The following PAK3 variants were observed in gnomAD, a reference collection of about 807,000 sequenced individuals.
PAK3 encodes the protein serine/threonine-protein kinase PAK 3.
In PAK3, 4 loss-of-function variants were observed where a neutral mutation model predicts 41.0. That is an observed-to-expected ratio of 0.10 (90% CI 0.05 to 0.22). PAK3 has a LOEUF of 0.22. Among genes scored for constraint, PAK3 ranks in the 10% least tolerant of loss-of-function variants. PAK3 has a pLI of 1.00. For missense variants in PAK3, 205 were observed against 409.9 expected, an observed-to-expected ratio of 0.50 and a Z score of 4.32; for synonymous variants, 146 against 139.6, an observed-to-expected ratio of 1.05 and a Z score of -0.32.
chrX:111,211,805 C>T (rs1162566038), intron 16 of PAK3, among the ~76,000 whole-genome samples: 1 of 111,118 alleles, frequency 9.0e-6, no homozygotes, highest in Non-Finnish European at 1.9e-5. Flanking sequence ...GTTTGAAAAC[C>T]ACCTCTGTGG....
intron 8 of PAK3, among the ~76,000 whole-genome samples, chrX:111,155,147 G>A (rs2094086500): frequency 9.0e-6 from 1 of 111,324 alleles, no homozygotes; most frequent in South Asian, 3.9e-4. Context: ...ATAAGCTCTA[G>A]GAAGTTTGGA....
chrX:111,110,101 C>T (rs961844996), intron 4 of PAK3, among the ~76,000 whole-genome samples: 4 of 112,124 alleles, frequency 3.6e-5, no homozygotes, highest in African/African-American at 1.3e-4. Flanking sequence ...TAGCAGAGTG[C>T]GTGGGCCATG....
chrX:110,991,389 G>C (rs999187125), intron 1 of PAK3, among the ~76,000 whole-genome samples: 1 of 111,213 alleles, frequency 9.0e-6, no homozygotes, highest in African/African-American at 3.3e-5. Context: ...TGAAGTTAGG[G>C]GACAATAACA....
chrX:111,108,447 G>A (rs754970060), intron 4 of PAK3, among the ~76,000 whole-genome samples: 1 of 112,292 alleles, frequency 8.9e-6, no homozygotes, highest in East Asian at 2.8e-4. Flanking sequence ...GTTAGGAACT[G>A]GGCAGCACAG....
rs776325197 is a variant in PAK3 at position 111,014,032 on chromosome X, G to C, written c.-28+69404G>C. The C allele has an allele frequency of 2.7e-5, 3 of 111,881 alleles. No homozygotes were observed. In the South Asian group the frequency reaches 1.1e-3, roughly 42 times the overall value. The allele number at this position is 111,881 out of a possible 1,213,427, so 9.2% of individuals were successfully genotyped here. On this transcript the variant is annotated intron_variant, in intron 1 of 14. Transcript: ENST00000425146. ...AGTTACGTGATCCATTAACCAGGCT[G>C]TATGTATATCCTTTGAAATGTTTCA...
chrX:110,972,048 A>G (rs1282612543), intron 1 of PAK3, among the ~76,000 whole-genome samples: 2 of 111,402 alleles, frequency 1.8e-5, no homozygotes, highest in Non-Finnish European at 3.8e-5. Flanking sequence ...GTATGTAGGT[A>G]TGTATGTGTA....
intron 1 of PAK3, among the ~76,000 whole-genome samples, chrX:111,072,685 C>A (rs2148825371): frequency 8.9e-6 from 1 of 112,152 alleles, no homozygotes; most frequent in East Asian, 2.8e-4. Context: ...AGGCTTTATG[C>A]AGAGGAGGGC....
chrX:111,169,941 A>G (rs997521312), intron 10 of PAK3, among the ~76,000 whole-genome samples: 1 of 111,501 alleles, frequency 9.0e-6, no homozygotes, highest in Non-Finnish European at 1.9e-5. Context: ...TGTAGGTGTT[A>G]GGGAGCTATC....
intron 1 of PAK3, among the ~76,000 whole-genome samples, chrX:111,069,212 C>T (rs781418023): frequency 8.9e-6 from 1 of 111,976 alleles, no homozygotes; most frequent in Non-Finnish European, 1.9e-5. Context: ...CTTATGAGCC[C>T]TCTTTGTCAG....
rs753876246 is a variant in PAK3 at position 111,196,674 on chromosome X, C to A, written c.1407+34C>A. On this transcript the variant is annotated intron_variant, in intron 16 of 17. Coordinates refer to ENST00000372007, the MANE Select transcript of PAK3 (RefSeq NM_002578.5). Reference sequence around the variant, plus strand: ...GAAGAGAAGTCAGGTACTTTATTCCCAGGAAAGAGGAAAGGCCAAATATCA... The same window carrying A: ...GAAGAGAAGTCAGGTACTTTATTCCAAGGAAAGAGGAAAGGCCAAATATCA... The A allele has an allele frequency of 2.0e-5, 21 of 1,040,533 alleles. No individual in the cohort carries two copies. In the African/African-American group the frequency reaches 3.3e-4, roughly 17 times the overall value. 85.8% of individuals were successfully genotyped at this position (1,040,533 alleles called of 1,213,427 possible). A position where few individuals can be genotyped will look rare whatever the true frequency, so the allele number is the denominator to read the frequency against.
chrX:111,019,200 A>G (rs762985692), intron 1 of PAK3, among the ~76,000 whole-genome samples: 4 of 111,902 alleles, frequency 3.6e-5, no homozygotes, highest in African/African-American at 1.3e-4. Flanking sequence ...GATTTATTGT[A>G]TATGACATCA....
chrX:111,020,877 C>G (rs942819332), intron 1 of PAK3, among the ~76,000 whole-genome samples: 1 of 110,835 alleles, frequency 9.0e-6, no homozygotes, highest in Admixed American at 9.5e-5. Flanking sequence ...AGGCCTGTGA[C>G]TGCCAGCTTT....
In PAK3 at chrX:111,186,499, TAGAG is replaced by T. The variant is rs1182299115; in HGVS notation, c.831-5625_831-5622del. The stretch of plus-strand genomic sequence containing the variant: ...CACAAGCATTCCTATACACCAATAA[TAGAG>T]AGCCAAATCATGAGTGAACTCCTAT... On this transcript the variant is annotated intron_variant, in intron 11 of 17. Transcript: ENST00000372007. Among the ~76,000 whole-genome samples, 5 of 110,159 alleles carry T rather than the reference TAGAG, an allele frequency of 4.5e-5. No individual in the cohort carries two copies. In the Admixed American group the frequency reaches 4.9e-4, roughly 11 times the overall value.
intron 1 of PAK3, among the ~76,000 whole-genome samples, chrX:110,993,415 T>G (rs2091684667): frequency 8.9e-6 from 1 of 111,854 alleles, no homozygotes; most frequent in African/African-American, 3.3e-5. Flanking sequence ...TGAGCTTATT[T>G]TGAATCTCAA....
chrX:111,223,065 T>C lies in PAK3; in HGVS notation c.*2618T>C, dbSNP rs1436110269. On this transcript the variant is annotated 3_prime_UTR_variant, in exon 18 of 18. Transcript: ENST00000372007. ...GCTGTTTCTCATGCCACAGTGATGC[T>C]GAAGGATTCACATTTGGTACAATCG... 3 of 111,718 alleles carry C rather than the reference T, an allele frequency of 2.7e-5. No individual in the cohort carries two copies. The highest frequency in any genetic ancestry group is 9.7e-5 in the African/African-American group (3 of 30,774). The allele number at this position is 111,718 out of a possible 1,213,427, so 9.2% of individuals were successfully genotyped here.
chrX:110,992,842 C>T (rs2091674298), intron 1 of PAK3, among the ~76,000 whole-genome samples: 1 of 111,600 alleles, frequency 9.0e-6, no homozygotes, highest in African/African-American at 3.3e-5. Context: ...CTGAGCAACC[C>T]AGAATAAGTG....
chrX:111,160,574 T>C (rs1457639423), intron 8 of PAK3, among the ~76,000 whole-genome samples: 1 of 109,141 alleles, frequency 9.2e-6, no homozygotes, highest in Non-Finnish European at 1.9e-5. Flanking sequence ...CATTAACTCA[T>C]CATTTAGCAT....
At chrX:111,120,462 G>T (rs763522781) in intron 4 of PAK3, among the ~76,000 whole-genome samples, 2 of 111,993 alleles carry the variant, frequency 1.8e-5, no homozygotes, top group East Asian at 5.6e-4. Flanking sequence ...CCACTCTGTT[G>T]TTAGCCACAC....
chrX:110,987,197 T>C (rs1272522626), intron 1 of PAK3, among the ~76,000 whole-genome samples: 1 of 112,308 alleles, frequency 8.9e-6, no homozygotes, highest in East Asian at 2.8e-4. Context: ...TTTCTTTTCA[T>C]CATGGAATCC....
Sources: gnomAD v4.1 joint callset for allele counts (sites outside exome capture counted in the v4.1 genomes callset) on GRCh38, gnomAD v4.1.1 for gene constraint, MANE v1.5 for transcripts, NCBI Gene and HGNC (gene_info 2026-07-23, HGNC 2026-07-21) for gene names.